Variants in FEZ2 observed in about 807,000 individuals in gnomAD.
FEZ2 encodes fasciculation and elongation protein zeta-2.
A neutral mutation model predicts 40.4 loss-of-function variants in FEZ2; 51 were observed. That is an observed-to-expected ratio of 1.26 (90% CI 1.01 to 1.59). FEZ2 has a LOEUF of 1.59. Ranked by LOEUF, FEZ2 falls within the 40% of genes most tolerant of loss-of-function variation. The pLI, the probability that FEZ2 is intolerant of heterozygous loss-of-function variation, is 0.00. For missense variants in FEZ2, 640 were observed against 438.3 expected (o/e 1.46, Z -4.11); for synonymous variants, 242 against 172.0 (o/e 1.41, Z -3.18).
chr2:36,579,009 A>C (rs1353681314), intron 4 of FEZ2, 144 bp from the exon 5 acceptor site: 2 of 667,256 alleles, frequency 3.0e-6, no homozygotes, highest in Non-Finnish European at 5.1e-6. Context: ...AATTAAATTG[A>C]CTGTGGGTGA....
chr2:36,564,222 C>G (rs781289483), intron 5 of FEZ2, among the ~76,000 whole-genome samples: 80 of 152,154 alleles, frequency 5.3e-4, no homozygotes, highest in Non-Finnish European at 1.0e-3. Flanking sequence ...ACATCTGTAC[C>G]TATTGTATGT....
chr2:36,588,606 CT>C (rs1400375234), intron 2 of FEZ2, among the ~76,000 whole-genome samples: 4 of 151,946 alleles, frequency 2.6e-5, no homozygotes, highest in East Asian at 1.9e-4. Flanking sequence ...GCACATCCCC[CT>C]ATAAGCTTTA....
intron 5 of FEZ2, among the ~76,000 whole-genome samples, chr2:36,570,238 CTAAG>C (rs1668369896): frequency 6.6e-6 from 1 of 151,772 alleles, no homozygotes; most frequent in African/African-American, 2.4e-5. Flanking sequence ...AAAAACAGAT[CTAAG>C]TAAATTAGAA....
At position 36,598,030 on chromosome 2, in the gene FEZ2, G is replaced by GCCCCCCCC; in HGVS notation, c.112_113insGGGGGGGG (p.Ala38GlyfsTer24). ...ACCGTCGGCGCCCCCACCCGCCTCG[G>GCCCCCCCC]CCCCCGCCTCCGCCCCAGGCTCGGG... is the stretch of plus-strand genomic sequence containing the variant. On this transcript the variant is annotated frameshift_variant, in exon 1 of 8. Coordinates refer to ENST00000405912, the MANE Select transcript of FEZ2 (RefSeq NM_005102.3). LOFTEE classifies it high-confidence loss of function. 1 of 1,437,008 alleles carries GCCCCCCCC rather than the reference G, an allele frequency of 7.0e-7. No homozygotes were observed. Among genetic ancestry groups the GCCCCCCCC allele is most frequent in the Non-Finnish European group, 9.3e-7 (1 of 1,074,390 alleles). 89.0% of individuals were successfully genotyped at this position (1,437,008 alleles called of 1,614,324 possible).
rs1255574422 is a variant in FEZ2, at chr2:36,581,439, AAC to A, written c.493-10_493-9del. 1.9e-6 allele frequency: 3 copies of A among 1,612,184 alleles called. 1 individual carries two copies. In the East Asian group the frequency reaches 6.7e-5, roughly 36 times the overall value. On this transcript the variant is annotated splice_polypyrimidine_tract_variant and intron_variant, in intron 3 of 7. Coordinates refer to ENST00000405912, the MANE Select transcript of FEZ2 (RefSeq NM_005102.3). ...TTCAATTTCTTCAATAACCTTCGAA[AAC>A]ACACACACCACTGTTAATCAAATAT... is the stretch of plus-strand genomic sequence containing the variant.
intron 4 of FEZ2, 140 bp from the exon 5 acceptor site, chr2:36,579,005 A>T (rs554563786): frequency 1.5e-6 from 1 of 686,560 alleles, no homozygotes; most frequent in Non-Finnish European, 2.5e-6. Context: ...AAGCAATTAA[A>T]TTGACTGTGG....
In FEZ2 at chr2:36,590,993, T is replaced by C. The variant is rs2148350843; in HGVS notation, c.285A>G (p.Thr95=). The change falls in exon 2 of 8, where the codon ACA becomes ACG. Residue 95 remains threonine (T), a synonymous_variant. Transcript: ENST00000405912. Reference sequence around the variant, plus strand: ...CAGGCATCACATTCCCATAATTATCTGTCAGGGCATTCCAAATCCTTAAAA... The same window carrying C: ...CAGGCATCACATTCCCATAATTATCCGTCAGGGCATTCCAAATCCTTAAAA... ...LQGDEIWNAL[T]DNYGNVMPVD... is the part of the protein sequence containing the mutation. The C allele has an allele frequency of 6.2e-7, 1 of 1,606,160 alleles. No individual in the cohort carries two copies. Among genetic ancestry groups the C allele is most frequent in the Non-Finnish European group, 8.5e-7 (1 of 1,172,738 alleles).
intron 5 of FEZ2, among the ~76,000 whole-genome samples, chr2:36,574,359 C>A (rs1425105457): frequency 6.6e-6 from 1 of 152,144 alleles, no homozygotes; most frequent in Non-Finnish European, 1.5e-5. Flanking sequence ...GCAAGTTTAT[C>A]TTTCGTTCAC....
intron 1 of FEZ2, among the ~76,000 whole-genome samples, chr2:36,593,359 A>T (rs2148352721): frequency 1.3e-5 from 2 of 152,160 alleles, no homozygotes; most frequent in Middle Eastern, 6.8e-3. Context: ...CTCCAACCCC[A>T]CATTTCCCTT....
In FEZ2 at chr2:36,578,829, A is replaced by G. The variant is rs1668652801; in HGVS notation, c.671T>C (p.Ile224Thr). 6.2e-7 allele frequency: 1 copy of G among 1,613,192 alleles called. No homozygotes were observed. The change falls in exon 5 of 8, where the codon ATC becomes ACC. Residue 224 changes from isoleucine to threonine, a missense_variant. Coordinates refer to ENST00000405912, the MANE Select transcript of FEZ2 (RefSeq NM_005102.3). ...AATGGCAGTCTCAATTTCTTCCAGG[A>G]TTTCATTTAACTCAGACACTGAGAG... ...KRLSVSELNEILEEIETAIKE... is the reference protein window; with the variant it reads ...KRLSVSELNETLEEIETAIKE...
At chr2:36,559,049 C>A (rs1305704263) in intron 5 of FEZ2, 1 of 152,114 alleles carries the variant, frequency 6.6e-6, no homozygotes, top group African/African-American at 2.4e-5. Context: ...AACAAAGACA[C>A]ACTTAAATCG....
At chr2:36,553,534 C>A (rs1347698213) in intron 7 of FEZ2, among the ~76,000 whole-genome samples, 1 of 152,104 alleles carries the variant, frequency 6.6e-6, no homozygotes, top group Non-Finnish European at 1.5e-5. Flanking sequence ...CATTTTTATT[C>A]CTAACTAGCA....
At chr2:36,594,685 C>T (rs568497270) in intron 1 of FEZ2, 4 of 152,728 alleles carry the variant, frequency 2.6e-5, no homozygotes, top group African/African-American at 7.2e-5. Flanking sequence ...ACAGCCAAAC[C>T]GTATCACTGA....
Position 36,578,723 on chromosome 2 carries a change from A to C in FEZ2, c.777T>G (p.Phe259Leu). ...TTTGCACTTCAATAAGAACAGAAATAAAGCTGTTTTTCACTTCCTTTTCAA... is the reference window on the plus strand; with the variant it reads ...TTTGCACTTCAATAAGAACAGAAATCAAGCTGTTTTTCACTTCCTTTTCAA... ...LEFEKEVKNS[F>L]ISVLIEVQNK... Residue 259 changes from phenylalanine to leucine, a missense_variant, in exon 5 of 8, where the codon TTT (phenylalanine) becomes TTG (leucine). Transcript: ENST00000405912. The C allele has an allele frequency of 1.2e-6, 2 of 1,613,992 alleles. No homozygotes were observed. The highest frequency in any genetic ancestry group is 1.7e-6 in the Non-Finnish European group (2 of 1,179,880).
intron 1 of FEZ2, among the ~76,000 whole-genome samples, chr2:36,593,047 C>G (rs1222235827): frequency 6.6e-6 from 1 of 152,174 alleles, no homozygotes. Context: ...TGCTGGGTTT[C>G]TGGCTCATAC....
chr2:36,567,392 G>A (rs1446555047), intron 5 of FEZ2, among the ~76,000 whole-genome samples: 1 of 152,170 alleles, frequency 6.6e-6, no homozygotes, highest in African/African-American at 2.4e-5. Context: ...ATCTAGTCTA[G>A]GAAAGTAAGA....
At position 36,553,248 on chromosome 2, in the gene FEZ2, T is replaced by G. The variant is rs1324744043; in HGVS notation, c.1046-69A>C. ...ATACATTTACACAAAACATACATTT[T>G]ACATGTACATTTAAAAACCATTAAG... is the stretch of plus-strand genomic sequence containing the variant. On this transcript the variant is annotated intron_variant, in intron 7 of 7. Coordinates refer to ENST00000405912, the MANE Select transcript of FEZ2 (RefSeq NM_005102.3). 5 of 1,120,512 alleles carry G rather than the reference T, an allele frequency of 4.5e-6. No homozygotes were observed. In the African/African-American group the frequency reaches 7.9e-5, roughly 18 times the overall value. 69.4% of individuals were successfully genotyped at this position (1,120,512 alleles called of 1,614,324 possible).
intron 5 of FEZ2, among the ~76,000 whole-genome samples, chr2:36,567,145 T>G (rs848636): frequency 0.5 from 76,394 of 151,924 alleles, 20,870 homozygotes; most frequent in East Asian, 0.85. Context: ...GCCATAGCAG[T>G]CATTTTTAAA....
At chr2:36,572,877 T>C (rs542805039) in intron 5 of FEZ2, among the ~76,000 whole-genome samples, 104 of 152,306 alleles carry the variant, frequency 6.8e-4, no homozygotes, top group Middle Eastern at 3.4e-3. Flanking sequence ...AAAGAAAATA[T>C]ATACAAGAAA....
Sources: allele counts gnomAD v4.1 joint callset (sites outside exome capture counted in the v4.1 genomes callset), GRCh38; gene constraint gnomAD v4.1.1; transcripts MANE v1.5; gene names NCBI Gene and HGNC (gene_info 2026-07-23, HGNC 2026-07-21).